Variants in CSMD1 observed in about 807,000 individuals in gnomAD.
CSMD1 encodes the protein CUB and sushi domain-containing protein 1.
CSMD1 carries 213 observed loss-of-function variants against 417.5 expected under a neutral mutation model. That is an observed-to-expected ratio of 0.51 (90% CI 0.46 to 0.57). The LOEUF (loss-of-function observed/expected upper bound fraction) is 0.57. Ranked by LOEUF, CSMD1 falls within the 20% of genes least tolerant of loss-of-function variation. The probability of loss-of-function intolerance (pLI) is 0.00; values close to 1 mark genes in which losing one functional copy is unlikely to be tolerated. For missense variants in CSMD1, 6,923 were observed against 4,529.7 expected (o/e 1.53, Z -15.17); for synonymous variants, 2,862 against 1,736.8 (o/e 1.65, Z -16.11).
intron 1 of CSMD1, among the ~76,000 whole-genome samples, chr8:4,638,431 G>C (rs1802978638): frequency 6.6e-6 from 1 of 152,146 alleles, no homozygotes; most frequent in Non-Finnish European, 1.5e-5. Flanking sequence ...AGCTTATCAA[G>C]TTGAAAATAA....
intron 4 of CSMD1, among the ~76,000 whole-genome samples, chr8:4,010,493 GC>G (rs1816461033): frequency 6.6e-6 from 1 of 151,918 alleles, no homozygotes; most frequent in African/African-American, 2.4e-5. Context: ...TCTTCCAACA[GC>G]CCAACTCTAC....
chr8:3,557,358 A>G (rs1009135643), intron 10 of CSMD1, among the ~76,000 whole-genome samples: 1 of 152,182 alleles, frequency 6.6e-6, no homozygotes, highest in African/African-American at 2.4e-5. Context: ...AAAACATTCC[A>G]AACTTGGCCA....
chr8:3,088,028 T>A (rs10503188), intron 48 of CSMD1, among the ~76,000 whole-genome samples: 35,199 of 152,160 alleles, frequency 0.23, 4,284 homozygotes, highest in East Asian at 0.34. Context: ...ATATTAACCT[T>A]CTTTTTTAGC....
chr8:4,606,244 G>C (rs941105146), intron 2 of CSMD1, among the ~76,000 whole-genome samples: 25 of 152,046 alleles, frequency 1.6e-4, no homozygotes, highest in African/African-American at 5.3e-4. Context: ...ATATGCTTCA[G>C]TTAGAAATAA....
chr8:4,287,656 G>GTATTATTATTATTAT (rs57908266), intron 3 of CSMD1, among the ~76,000 whole-genome samples: 172 of 146,126 alleles, frequency 1.2e-3, no homozygotes, highest in Middle Eastern at 3.7e-3. Flanking sequence ...GTCATAGGTG[G>GTATTATTATTATTAT]TATTATTATT....
rs181292212 is a variant in CSMD1, at chr8:4,112,545, G to C, written c.416-80446C>G. Among the ~76,000 whole-genome samples the C allele has an allele frequency of 5.9e-5, 9 of 152,256 alleles. No homozygotes were observed. The East Asian group carries it at 1.7e-3, about 29-fold the overall frequency. On this transcript the variant is annotated intron_variant, in intron 3 of 69. Coordinates refer to ENST00000635120, the MANE Select transcript of CSMD1 (RefSeq NM_033225.6). ...AGACATCCCAAACTGGACACAGCAC[G>C]TCCTGCTTTCTCTGTTCCCTCTTCT...
At chr8:4,418,043 G>A (rs912835376) in intron 3 of CSMD1, among the ~76,000 whole-genome samples, 1 of 151,808 alleles carries the variant, frequency 6.6e-6, no homozygotes, top group Non-Finnish European at 1.5e-5. Flanking sequence ...CAGGAGACCT[G>A]GAAGCTAACT....
chr8:3,721,119 G>A (rs547038223), intron 6 of CSMD1, among the ~76,000 whole-genome samples: 22 of 152,118 alleles, frequency 1.4e-4, no homozygotes, highest in Non-Finnish European at 2.6e-4. Context: ...CACCATGCCC[G>A]GCCAGTTGCG....
intron 8 of CSMD1, among the ~76,000 whole-genome samples, chr8:3,609,162 T>C (rs1348810691): frequency 1.3e-5 from 2 of 152,208 alleles, no homozygotes; most frequent in African/African-American, 2.4e-5. Flanking sequence ...CGTTCTGAAT[T>C]TCAACGCTTC....
chr8:4,548,862 G>T (rs1005240434), intron 2 of CSMD1, among the ~76,000 whole-genome samples: 3 of 152,096 alleles, frequency 2.0e-5, no homozygotes, highest in African/African-American at 7.2e-5. Flanking sequence ...ATGCGCGCAG[G>T]AGGTAAAGTA....
intron 3 of CSMD1, among the ~76,000 whole-genome samples, chr8:4,393,949 G>C (rs571035051): frequency 1.3e-5 from 2 of 152,128 alleles, no homozygotes; most frequent in East Asian, 1.9e-4. Flanking sequence ...CTGTGTTTCA[G>C]GTATTAACGC....
At chr8:4,194,751 CA>C (rs551936755) in intron 3 of CSMD1, among the ~76,000 whole-genome samples, 14 of 151,546 alleles carry the variant, frequency 9.2e-5, no homozygotes, top group South Asian at 4.2e-4. Flanking sequence ...TTTAAATAAA[CA>C]TTTTTTTTAA....
intron 5 of CSMD1, among the ~76,000 whole-genome samples, chr8:3,769,865 C>T (rs775316933): frequency 6.6e-6 from 1 of 152,138 alleles, no homozygotes; most frequent in Non-Finnish European, 1.5e-5. Flanking sequence ...AGAAGAAAAA[C>T]GTATGTGTCA....
intron 1 of CSMD1, among the ~76,000 whole-genome samples, chr8:4,770,366 T>C (rs13267381): frequency 1.3e-5 from 2 of 148,710 alleles, no homozygotes; most frequent in Non-Finnish European, 3.0e-5. Context: ...AGCTATTATA[T>C]ATATATGTAG....
In CSMD1 at chr8:4,935,984, T is replaced by C. The variant is rs1035336786; in HGVS notation, c.85+58348A>G. On this transcript the variant is annotated intron_variant, in intron 1 of 69. Coordinates refer to ENST00000635120, the MANE Select transcript of CSMD1 (RefSeq NM_033225.6). ...CCTTTTCAGCAGCTTCATGGAAGAA[T>C]CAGCAAAAACAGCCAGGAATAATAG... Among the ~76,000 whole-genome samples the C allele has an allele frequency of 2.0e-5, 3 of 152,154 alleles. No individual in the cohort carries two copies. The East Asian group carries it at 5.8e-4, about 29-fold the overall frequency.
In CSMD1 at chr8:3,783,978, C is replaced by T. The variant is rs535589780; in HGVS notation, c.819-29936G>A. ...TACCTGCCCTTGGGCAAATTACTTC[C>T]TCTTCTGGTGCCTGACCTTTCTTAT... is the stretch of plus-strand genomic sequence containing the variant. On this transcript the variant is annotated intron_variant, in intron 5 of 69. Coordinates refer to ENST00000635120, the MANE Select transcript of CSMD1 (RefSeq NM_033225.6). 3.3e-5 allele frequency among the ~76,000 whole-genome samples: 5 copies of T among 152,346 alleles called. No homozygotes were observed. In the South Asian group the frequency reaches 8.3e-4, roughly 25 times the overall value.
chr8:3,742,155 C>T (rs1796839118), intron 6 of CSMD1, among the ~76,000 whole-genome samples: 1 of 152,118 alleles, frequency 6.6e-6, no homozygotes, highest in Non-Finnish European at 1.5e-5. Context: ...CTTCTATCGC[C>T]TTTCTGTAAA....
chr8:3,875,250 C>T (rs1024332583), intron 5 of CSMD1, among the ~76,000 whole-genome samples: 14 of 152,098 alleles, frequency 9.2e-5, no homozygotes, highest in Non-Finnish European at 2.9e-5. Context: ...GAATTGAGAC[C>T]ATAGCTGAGA....
At chr8:4,709,833 G>T (rs568631023) in intron 1 of CSMD1, among the ~76,000 whole-genome samples, 2 of 152,028 alleles carry the variant, frequency 1.3e-5, no homozygotes, top group Non-Finnish European at 2.9e-5. Context: ...CAGTCGTCCC[G>T]CAGAGTAAAA....
Sources: gnomAD v4.1 joint callset for allele counts (sites outside exome capture counted in the v4.1 genomes callset) on GRCh38, gnomAD v4.1.1 for gene constraint, MANE v1.5 for transcripts, NCBI Gene and HGNC (gene_info 2026-07-23, HGNC 2026-07-21) for gene names.